Variants in ARHGAP30 observed in about 807,000 individuals in gnomAD.
The protein encoded by ARHGAP30 is Rho GTPase activating protein 30, also known as rho GTPase-activating protein 30.
ARHGAP30 carries 23 observed loss-of-function variants against 72.0 expected under a neutral mutation model. That is an observed-to-expected ratio of 0.32 (90% confidence interval 0.23 to 0.45). The LOEUF (loss-of-function observed/expected upper bound fraction) is 0.45, where lower values mean the gene tolerates loss of function less well. Ranked by LOEUF, ARHGAP30 falls within the 20% of genes least tolerant of loss-of-function variation. The pLI, the probability that ARHGAP30 is intolerant of heterozygous loss-of-function variation, is 1.00. For synonymous variants in ARHGAP30, 576 were observed against 528.2 expected (o/e 1.09, Z -1.24); for missense variants, 1,319 against 1,383.4 (o/e 0.95, Z 0.74).
rs1226496620 is a variant in ARHGAP30 at position 161,051,592 on chromosome 1, C to G, written c.1142G>C (p.Gly381Ala). 6.2e-7 allele frequency: 1 copy of G among 1,613,856 alleles called. No homozygotes were observed. The highest frequency in any genetic ancestry group is 1.7e-5 in the Admixed American group (1 of 60,032). Reference sequence around the variant, plus strand: ...TGGTGTGCCTGGTTCAGAGTTTGTGCCACCCAGTGCTTCTGCCTCAGGCTC... The same window carrying G: ...TGGTGTGCCTGGTTCAGAGTTTGTGGCACCCAGTGCTTCTGCCTCAGGCTC... The part of the protein sequence containing the change: ...EQEPEAEALG[G>A]TNSEPGTPRA... The change falls in exon 10 of 12, where the codon GGC becomes GCC. Residue 381 changes from glycine to alanine, a missense_variant. Physicochemically the swap from Gly to Ala is moderately conservative, Grantham distance 60 (BLOSUM62 0). Transcript: ENST00000368013.
intron 3 of ARHGAP30, 122 bp from the exon 4 acceptor site, chr1:161,054,827 A>G (rs1248093767): frequency 1.1e-5 from 9 of 834,632 alleles, no homozygotes; most frequent in Middle Eastern, 2.3e-4. Flanking sequence ...ACCCCATCCT[A>G]CATCATCTGC....
rs778286823 is a variant in ARHGAP30 at position 161,049,578 on chromosome 1, GAGA to G, written c.1529_1531del (p.Phe510del). 1.2e-6 allele frequency: 2 copies of G among 1,614,006 alleles called. No individual in the cohort carries two copies. The highest frequency in any genetic ancestry group is 1.3e-5 in the African/African-American group (1 of 74,928). On this transcript the variant is annotated inframe_deletion, in exon 11 of 12. Transcript: ENST00000368013. ...TGAGCTGCTTGAGTCCTCTAGGAAG[GAGA>G]AGGAGTCCTGCACCTCCTGGGACAG... is the stretch of plus-strand genomic sequence containing the variant.
intron 1 of ARHGAP30, chr1:161,060,195 C>T (rs1314580286): frequency 4.4e-6 from 2 of 451,992 alleles, no homozygotes; most frequent in Non-Finnish European, 8.9e-6. Flanking sequence ...ATGGGAGGAT[C>T]ACCTGAGCCC....
chr1:161,069,805 G>A lies in ARHGAP30; in HGVS notation c.-181C>T. 2 of 613,842 alleles carry A rather than the reference G, an allele frequency of 3.3e-6. No homozygotes were observed. The allele number at this position is 613,842 out of a possible 1,614,324, so 38.0% of individuals were successfully genotyped here. On this transcript the variant is annotated 5_prime_UTR_variant, in exon 1 of 12. Transcript: ENST00000368013. This position sits in a 1 kb window ranked among gnomAD's most constrained non-coding sequence, Gnocchi z 4.9. ...AGCAGCTCCTGCCCCTGGGGCCCCG[G>A]CCACACGGAAGTGGCTGTTGAAGAG...
chr1:161,063,817 G>A (rs1652494202), intron 1 of ARHGAP30, among the ~76,000 whole-genome samples: 1 of 152,166 alleles, frequency 6.6e-6, no homozygotes, highest in African/African-American at 2.4e-5. Context: ...CCCCACCGGG[G>A]CGTACCTGTC....
At position 161,047,673 on chromosome 1, in the gene ARHGAP30, A is replaced by T; in HGVS notation, c.*42T>A. The T allele has an allele frequency of 6.7e-7, 1 of 1,491,934 alleles. No individual in the cohort carries two copies. Among genetic ancestry groups the T allele is most frequent in the South Asian group, 1.4e-5 (1 of 69,746 alleles). 92.4% of individuals were successfully genotyped at this position (1,491,934 alleles called of 1,614,324 possible). A position where few individuals can be genotyped will look rare whatever the true frequency, so the allele number is the denominator to read the frequency against. On this transcript the variant is annotated 3_prime_UTR_variant, in exon 12 of 12. Transcript: ENST00000368013. Reference sequence around the variant, plus strand: ...GCTAGTCAGGAACCCTGGAGATTCAAGACAACTTGCTGGTCCCCTTTGCCC... The same window carrying T: ...GCTAGTCAGGAACCCTGGAGATTCATGACAACTTGCTGGTCCCCTTTGCCC...
At chr1:161,056,634 G>A (rs1651897752) in intron 2 of ARHGAP30, 102 bp from the exon 3 acceptor site, 3 of 1,319,294 alleles carry the variant, frequency 2.3e-6, no homozygotes, top group Admixed American at 2.4e-5. Context: ...GGGTCAACAT[G>A]TGTTGGACTT....
At position 161,051,417 on chromosome 1, in the gene ARHGAP30, G is replaced by A. The variant is rs774779817; in HGVS notation, c.1317C>T (p.Ser439=). 1 of 1,614,216 alleles carries A rather than the reference G, an allele frequency of 6.2e-7. No homozygotes were observed. The highest frequency in any genetic ancestry group is 8.5e-7 in the Non-Finnish European group (1 of 1,180,044). The part of the protein sequence containing the change: ...SVPPNIISNV[S]LARLTRGLEC... ...CAAGGCCACGGGTGAGCCTGGCCAAGGAAACGTTAGAGATGATGTTCGGGG... is the reference window on the plus strand; with the variant it reads ...CAAGGCCACGGGTGAGCCTGGCCAAAGAAACGTTAGAGATGATGTTCGGGG... Residue 439 remains serine (S), a synonymous_variant, in exon 10 of 12, where the codon TCC becomes TCT. Transcript: ENST00000368013.
At chr1:161,055,896 AAAAT>A (rs1557926768) in intron 3 of ARHGAP30, among the ~76,000 whole-genome samples, 20 of 119,976 alleles carry the variant, frequency 1.7e-4, no homozygotes, top group Admixed American at 3.9e-4. Flanking sequence ...TAAATAAAAT[AAAAT>A]AAAATAAAAT....
At position 161,051,462 on chromosome 1, in the gene ARHGAP30, G is replaced by C; in HGVS notation, c.1272C>G (p.Ile424Met). The stretch of plus-strand genomic sequence containing the variant: ...TCGGGGGCACACTGAGGATAGAGGT[G>C]ATGTGTAGCGGGAGGTTGACATTGT... ...DPYNVNLPLH[I>M]TSILSVPPNI... Residue 424 changes from isoleucine to methionine, a missense_variant, in exon 10 of 12, where the codon ATC becomes ATG. Ile to Met is a conservative substitution (Grantham distance 10). Coordinates refer to ENST00000368013, the MANE Select transcript of ARHGAP30 (RefSeq NM_001025598.2). The C allele has an allele frequency of 6.2e-7, 1 of 1,614,276 alleles. No homozygotes were observed. Among genetic ancestry groups the C allele is most frequent in the Non-Finnish European group, 8.5e-7 (1 of 1,180,042 alleles).
At chr1:161,050,025 G>T (rs1440628520) in intron 10 of ARHGAP30, among the ~76,000 whole-genome samples, 1 of 152,146 alleles carries the variant, frequency 6.6e-6, no homozygotes, top group Non-Finnish European at 1.5e-5. Context: ...AAGCAGTACA[G>T]CCAAAATTTG....
intron 9 of ARHGAP30, among the ~76,000 whole-genome samples, 164 bp downstream of exon 9, chr1:161,052,122 A>T (rs1651449481): frequency 6.6e-6 from 1 of 151,920 alleles, no homozygotes; most frequent in African/African-American, 2.4e-5. Context: ...TAGACAATCA[A>T]CTCACCGTAG....
At chr1:161,052,407 T>G in intron 8 of ARHGAP30, 33 bp downstream of exon 8, 1 of 1,613,242 alleles carries the variant, frequency 6.2e-7, no homozygotes, top group Non-Finnish European at 8.5e-7. Flanking sequence ...TTGTGCACCC[T>G]CAGCAGAGCT....
chr1:161,048,930 T>TC lies in ARHGAP30; in HGVS notation c.2090dup (p.Ser698LysfsTer13), dbSNP rs1344906900. 1 of 1,613,842 alleles carries TC rather than the reference T, an allele frequency of 6.2e-7. No individual in the cohort carries two copies. Among genetic ancestry groups the TC allele is most frequent in the Non-Finnish European group, 8.5e-7 (1 of 1,180,014 alleles). On this transcript the variant is annotated frameshift_variant, in exon 12 of 12. Transcript: ENST00000368013. LOFTEE classifies it low-confidence loss of function (END_TRUNC). ...TCAATCTGACTTTTGTCTCTTGGCTTCCCCCAGCCTCCCCTCTATCCTCAC... is the reference window on the plus strand; with the variant it reads ...TCAATCTGACTTTTGTCTCTTGGCTTCCCCCCAGCCTCCCCTCTATCCTCAC...
At chr1:161,062,870 A>G (rs1652423521) in intron 1 of ARHGAP30, among the ~76,000 whole-genome samples, 1 of 151,150 alleles carries the variant, frequency 6.6e-6, no homozygotes, top group African/African-American at 2.4e-5. Flanking sequence ...GCTGGAGTGC[A>G]GTGGCACAAT....
Position 161,049,137 on chromosome 1 carries a change from C to T in ARHGAP30, c.1884G>A (p.Lys628=). 1 of 1,614,196 alleles carries T rather than the reference C, an allele frequency of 6.2e-7. No homozygotes were observed. Among genetic ancestry groups the T allele is most frequent in the Non-Finnish European group, 8.5e-7 (1 of 1,180,018 alleles). The change falls in exon 12 of 12, where the codon AAG becomes AAA. Residue 628 remains lysine (K), a synonymous_variant. Coordinates refer to ENST00000368013, the MANE Select transcript of ARHGAP30 (RefSeq NM_001025598.2). ...PLLGPKPPIW[K]GSGSLEGEAA... ...CCTCTCCCTCCAGACTCCCTGAACC[C>T]TTCCAGATTGGGGGTTTAGGTCCCA...
chr1:161,065,676 C>T (rs1652704105), intron 1 of ARHGAP30, among the ~76,000 whole-genome samples: 2 of 151,388 alleles, frequency 1.3e-5, no homozygotes, highest in Middle Eastern at 3.4e-3. Flanking sequence ...AAGAGATTCT[C>T]CTGCCTCAGC....
chr1:161,068,908 C>T (rs1652954420), intron 1 of ARHGAP30, among the ~76,000 whole-genome samples: 1 of 152,080 alleles, frequency 6.6e-6, no homozygotes, highest in Non-Finnish European at 1.5e-5. Flanking sequence ...CTCCCCTTGC[C>T]CCCCACTTTG....
At position 161,052,041 on chromosome 1, in the gene ARHGAP30, ACCACCACCACC is replaced by A. The variant is rs1651435117; in HGVS notation, c.1018+234_1018+244del. The stretch of plus-strand genomic sequence containing the variant: ...CACCACCACCACCACCACCACCACC[ACCACCACCACC>A]ACCACCACATACCCATGCTGTCCCA... On this transcript the variant is annotated intron_variant, in intron 9 of 11. Transcript: ENST00000368013. Among the ~76,000 whole-genome samples the A allele has an allele frequency of 3.6e-4, 12 of 33,694 alleles. 2 individuals carry two copies. The highest frequency in any genetic ancestry group is 2.7e-3 in the South Asian group (3 of 1,102). The allele number at this position is 33,694 out of a possible 152,430, so 22.1% of individuals were successfully genotyped here.
Sources: allele counts gnomAD v4.1 joint callset (sites outside exome capture counted in the v4.1 genomes callset), GRCh38; gene constraint gnomAD v4.1.1; non-coding constraint Gnocchi (gnomAD v3.1); transcripts MANE v1.5; gene names NCBI Gene and HGNC (gene_info 2026-07-23, HGNC 2026-07-21).